LINGO2: variants seen among roughly 807,000 people sequenced by gnomAD.
LINGO2 encodes leucine-rich repeat and immunoglobulin-like domain-containing nogo receptor-interacting protein 2.
LINGO2 carries 14 observed loss-of-function variants against 30.6 expected under a neutral mutation model. That is an observed-to-expected ratio of 0.46 (90% CI 0.30 to 0.72). The LOEUF is 0.72. LINGO2 is among the 30% of genes least tolerant of loss of function. LINGO2 has a pLI of 0.07. For synonymous variants in LINGO2, 317 were observed against 288.5 expected (o/e 1.10, Z -1.00); for missense variants, 729 against 751.7 (o/e 0.97, Z 0.35).
At chr9:28,251,628 T>C (rs1405120056) in intron 4 of LINGO2, among the ~76,000 whole-genome samples, 1 of 152,188 alleles carries the variant, frequency 6.6e-6, no homozygotes, top group East Asian at 1.9e-4. Context: ...GATTTAGTGC[T>C]TATTCAAAAA....
At chr9:28,483,346 T>A (rs767421531) in intron 1 of LINGO2, among the ~76,000 whole-genome samples, 1 of 152,050 alleles carries the variant, frequency 6.6e-6, no homozygotes, top group Non-Finnish European at 1.5e-5. Context: ...AGTTCCAGTA[T>A]AAATAAAGAA....
intron 1 of LINGO2, among the ~76,000 whole-genome samples, chr9:28,582,750 T>G (rs2135662947): frequency 6.6e-6 from 1 of 152,202 alleles, no homozygotes; most frequent in South Asian, 2.1e-4. Context: ...GCAGCTCTCC[T>G]TTACAGTCAA....
chr9:28,431,029 T>TGAGAGA (rs57751993), intron 2 of LINGO2, among the ~76,000 whole-genome samples: 10,863 of 128,942 alleles, frequency 0.084, 638 homozygotes, highest in East Asian at 0.12. Context: ...GCATGAGTGA[T>TGAGAGA]GAGAGAGAGA....
At chr9:28,852,456 T>C in the LINGO2 span, among the ~76,000 whole-genome samples, 416 of 150,746 alleles carry the variant, frequency 2.8e-3, no homozygotes, top group Middle Eastern at 6.8e-3. Context: ...GGTAAGAAAT[T>C]TTATGGTTCA....
the LINGO2 span, among the ~76,000 whole-genome samples, chr9:28,822,547 C>A: frequency 1.3e-5 from 2 of 150,486 alleles, no homozygotes; most frequent in Admixed American, 6.7e-5. Flanking sequence ...TTAATCTGGG[C>A]GGACACCATC....
At chr9:28,441,141 C>G (rs1824176920) in intron 2 of LINGO2, among the ~76,000 whole-genome samples, 1 of 151,700 alleles carries the variant, frequency 6.6e-6, no homozygotes, top group African/African-American at 2.4e-5. Flanking sequence ...AAGGCCTTCA[C>G]CAGTTGCTGA....
intron 3 of LINGO2, among the ~76,000 whole-genome samples, chr9:28,366,130 G>A (rs1359688383): frequency 2.6e-5 from 4 of 151,946 alleles, no homozygotes; most frequent in Admixed American, 6.6e-5. Context: ...TTCCTTTTTC[G>A]TCTAACCTCC....
At chr9:28,998,613 T>C in the LINGO2 span, among the ~76,000 whole-genome samples, 37 of 152,144 alleles carry the variant, frequency 2.4e-4, no homozygotes, top group South Asian at 6.4e-3. Flanking sequence ...TCACTGAAAA[T>C]AGAATCGGTA....
At chr9:28,330,239 T>C (rs1287615853) in intron 3 of LINGO2, among the ~76,000 whole-genome samples, 2 of 152,182 alleles carry the variant, frequency 1.3e-5, no homozygotes, top group Non-Finnish European at 2.9e-5. Flanking sequence ...GCTGACACTT[T>C]AATCTTGAAT....
At chr9:28,617,284 ATTTC>A (rs1449351581) in intron 1 of LINGO2, among the ~76,000 whole-genome samples, 2 of 150,314 alleles carry the variant, frequency 1.3e-5, no homozygotes, top group Non-Finnish European at 3.0e-5. Flanking sequence ...TCTAAAGAAT[ATTTC>A]TTTCTTTTCT....
intron 4 of LINGO2, among the ~76,000 whole-genome samples, chr9:28,242,330 C>T (rs1384249158): frequency 6.6e-6 from 1 of 151,830 alleles, no homozygotes; most frequent in Admixed American, 6.6e-5. Context: ...GAACCATACA[C>T]AAGTATAAAT....
chr9:28,235,401 T>C (rs1333666559), intron 4 of LINGO2, among the ~76,000 whole-genome samples: 1 of 152,122 alleles, frequency 6.6e-6, no homozygotes, highest in Admixed American at 6.6e-5. Context: ...ATAAAGACTA[T>C]AGTAAATACC....
At chr9:28,303,011 CT>C (rs1335960621) in intron 3 of LINGO2, among the ~76,000 whole-genome samples, 3 of 152,142 alleles carry the variant, frequency 2.0e-5, no homozygotes, top group Non-Finnish European at 4.4e-5. Flanking sequence ...AATAAATGCT[CT>C]GTATGTCATT....
chr9:29,031,565 G>A, the LINGO2 span, among the ~76,000 whole-genome samples: 5 of 152,042 alleles, frequency 3.3e-5, no homozygotes, highest in Non-Finnish European at 7.4e-5. Context: ...TTACAGGTGT[G>A]AGCCACCGCA....
At chr9:28,849,393 C>A in the LINGO2 span, among the ~76,000 whole-genome samples, 4 of 151,968 alleles carry the variant, frequency 2.6e-5, no homozygotes, top group East Asian at 7.7e-4. Context: ...TCTGTTTCAT[C>A]TAGAATGTAA....
the LINGO2 span, among the ~76,000 whole-genome samples, chr9:28,848,411 A>T: frequency 7.6e-6 from 1 of 131,356 alleles, no homozygotes; most frequent in East Asian, 2.2e-4. Flanking sequence ...ATATATATAT[A>T]TATATATATA....
At chr9:28,924,108 T>A in the LINGO2 span, among the ~76,000 whole-genome samples, 1 of 152,230 alleles carries the variant, frequency 6.6e-6, no homozygotes, top group East Asian at 1.9e-4. Context: ...AATCTAAGCA[T>A]CTTGGCACGT....
At chr9:28,045,796 G>T (rs562693938) in intron 4 of LINGO2, among the ~76,000 whole-genome samples, 1 of 152,174 alleles carries the variant, frequency 6.6e-6, no homozygotes, top group Admixed American at 6.5e-5. Context: ...AACTTACAGC[G>T]TGGAGAGACA....
rs917085401 is a variant in LINGO2 at position 28,611,232 on chromosome 9, A to T, written c.-365+58968T>A. Among the ~76,000 whole-genome samples, 8 of 152,294 alleles carry T rather than the reference A, an allele frequency of 5.3e-5. 1 individual carries two copies. Among genetic ancestry groups the T allele is most frequent in the African/African-American group, 1.9e-4 (8 of 41,592 alleles). ...GAGGTATAATTGACAAATTGTATAC[A>T]ATTAACAAAATGTATATATTTAGGA... On this transcript the variant is annotated intron_variant, in intron 1 of 5. Coordinates refer to ENST00000379992, the Ensembl canonical transcript of LINGO2.
Sources: allele counts gnomAD v4.1 joint callset (sites outside exome capture counted in the v4.1 genomes callset), GRCh38; gene constraint gnomAD v4.1.1; transcripts MANE v1.5; gene names NCBI Gene and HGNC (gene_info 2026-07-23, HGNC 2026-07-21).